The following SOAT1 variants were observed in gnomAD, a reference collection of about 807,000 sequenced individuals.
SOAT1 encodes acyl-coenzyme A:cholesterol acyltransferase 1.
Under a neutral mutation model 69.5 loss-of-function variants are expected in SOAT1, and 55 were observed. The ratio of observed to expected loss-of-function variants is 0.79; its 90% CI spans 0.64 to 0.99. The LOEUF is 0.99. SOAT1 is among the 50% of genes least tolerant of loss of function. The pLI is 0.00. For synonymous variants in SOAT1, 231 were observed against 224.7 expected (o/e 1.03, Z -0.25); for missense variants, 580 against 669.3 (o/e 0.87, Z 1.47).
chr1:179,320,701 A>G (rs1665566334), intron 2 of SOAT1, among the ~76,000 whole-genome samples: 2 of 152,120 alleles, frequency 1.3e-5, no homozygotes, highest in Non-Finnish European at 2.9e-5. Flanking sequence ...ATCAGATATT[A>G]TAAAGTTGAT....
chr1:179,310,464 A>G (rs1397769997), intron 2 of SOAT1, among the ~76,000 whole-genome samples: 2 of 151,974 alleles, frequency 1.3e-5, no homozygotes, highest in Non-Finnish European at 2.9e-5. Flanking sequence ...CTCAGATTCC[A>G]TTTTTCTGAA....
intron 5 of SOAT1, among the ~76,000 whole-genome samples, 177 bp from the exon 6 acceptor site, chr1:179,339,261 A>G (rs1027899715): frequency 2.0e-5 from 3 of 152,164 alleles, no homozygotes; most frequent in Non-Finnish European, 2.9e-5. Context: ...TTACTTAGAA[A>G]ACATCCATTT....
At position 179,341,022 on chromosome 1, in the gene SOAT1, C is replaced by A; in HGVS notation, c.498-6C>A. 6.2e-7 allele frequency: 1 copy of A among 1,612,886 alleles called. No homozygotes were observed. On this transcript the variant is annotated splice_polypyrimidine_tract_variant and splice_region_variant and intron_variant, in intron 6 of 15. Coordinates refer to ENST00000367619, the MANE Select transcript of SOAT1 (RefSeq NM_003101.6). ...TATGTTCTTTTTCTGTACCTTTTCT[C>A]CCCAGGCTGGTGCTTGAGTTCAGCC...
At position 179,348,790 on chromosome 1, in the gene SOAT1, GTGTGTGTGTGTGTGTGTGTGTGTGTA is replaced by G. The variant is rs1393365513; in HGVS notation, c.1216-53_1216-28del. On this transcript the variant is annotated intron_variant, in intron 12 of 15. Transcript: ENST00000367619. The stretch of plus-strand genomic sequence containing the variant: ...TGTGTGTGTGTGTGTGTGTGTGTGT[GTGTGTGTGTGTGTGTGTGTGTGTGTA>G]GTTTTATACCTTTACTTTTTCCCTC... The G allele has an allele frequency of 2.1e-5, 9 of 420,658 alleles. No individual in the cohort carries two copies. In the East Asian group the frequency reaches 3.8e-4, roughly 18 times the overall value. The allele number at this position is 420,658 out of a possible 1,614,324, so 26.1% of individuals were successfully genotyped here.
At position 179,345,063 on chromosome 1, in the gene SOAT1, C is replaced by T. The variant is rs752004277; in HGVS notation, c.1104C>T (p.Asn368=). The part of the protein sequence containing the change: ...SARVLVLCVF[N]SILPGVLILF... The stretch of plus-strand genomic sequence containing the variant: ...GTGTTCTGGTCCTATGTGTATTTAA[C>T]TCCATCTTGCCAGGTAACATGGGTA... The change falls in exon 11 of 16, where the codon AAC becomes AAT. Residue 368 remains asparagine (N), a synonymous_variant. Transcript: ENST00000367619. The T allele has an allele frequency of 6.2e-7, 1 of 1,613,898 alleles. No homozygotes were observed. The highest frequency in any genetic ancestry group is 1.7e-5 in the Admixed American group (1 of 59,978).
chr1:179,300,309 T>C (rs2247071), intron 1 of SOAT1, among the ~76,000 whole-genome samples: 118,281 of 152,046 alleles, frequency 0.78, 46,180 homozygotes, highest in East Asian at 0.97. Context: ...TTTCAGTTCT[T>C]ACTTCTCTCA....
rs565424121 is a variant in SOAT1, at chr1:179,335,510, T to G, written c.182T>G (p.Leu61Trp). The change falls in exon 4 of 16, where the codon TTG becomes TGG. Residue 61 changes from leucine (L) to tryptophan (W), a missense_variant. Transcript: ENST00000367619. Reference protein sequence around the residue: ...KIKLTAEAEELKPFFMKEVGS... With the variant: ...KIKLTAEAEEWKPFFMKEVGS... ...TTCTTTGTTTTAAAATTCTAGGAAT[T>G]GAAGCCATTTTTTATGAAGGAAGTT... The G allele has an allele frequency of 6.2e-7, 1 of 1,608,392 alleles. No individual in the cohort carries two copies. Among genetic ancestry groups the G allele is most frequent in the African/African-American group, 1.3e-5 (1 of 74,658 alleles).
intron 4 of SOAT1, among the ~76,000 whole-genome samples, chr1:179,336,329 C>T (rs767925032): frequency 6.6e-6 from 1 of 151,138 alleles, no homozygotes; most frequent in Non-Finnish European, 1.5e-5. Context: ...TGGACGTGGT[C>T]GTGCACGCCT....
chr1:179,352,950 G>A (rs1409853083), intron 15 of SOAT1, among the ~76,000 whole-genome samples: 1 of 151,154 alleles, frequency 6.6e-6, no homozygotes, highest in African/African-American at 2.4e-5. Context: ...CTTCCATGAT[G>A]ATTTTTCAAA....
At chr1:179,299,035 T>C (rs1664744574) in intron 1 of SOAT1, among the ~76,000 whole-genome samples, 2 of 152,118 alleles carry the variant, frequency 1.3e-5, no homozygotes, top group Non-Finnish European at 2.9e-5. Context: ...ATCCCTATCT[T>C]TGAGAACTTA....
Position 179,345,040 on chromosome 1 carries a change from G to A in SOAT1, c.1081G>A (p.Val361Ile), listed in dbSNP as rs759518574. The A allele has an allele frequency of 1.2e-5, 19 of 1,614,156 alleles. No individual in the cohort carries two copies. The highest frequency in any genetic ancestry group is 1.6e-5 in the Non-Finnish European group (19 of 1,180,010). The change falls in exon 11 of 16, where the codon GTT becomes ATT. Residue 361 changes from valine (V) to isoleucine (I), a missense_variant. Coordinates refer to ENST00000367619, the MANE Select transcript of SOAT1 (RefSeq NM_003101.6). ...CAAACAGGAGCCCTTCAGCGCTCGTGTTCTGGTCCTATGTGTATTTAACTC... is the reference window on the plus strand; with the variant it reads ...CAAACAGGAGCCCTTCAGCGCTCGTATTCTGGTCCTATGTGTATTTAACTC... ...NIKQEPFSAR[V>I]LVLCVFNSIL...
At chr1:179,353,493 A>G in intron 15 of SOAT1, 92 bp from the exon 16 acceptor site, 1 of 1,094,450 alleles carries the variant, frequency 9.1e-7, no homozygotes, top group East Asian at 2.4e-5. Flanking sequence ...TTAGAGATGT[A>G]CAATGTATCA....
chr1:179,333,038 T>G (rs1210055361), intron 3 of SOAT1, among the ~76,000 whole-genome samples: 1 of 152,210 alleles, frequency 6.6e-6, no homozygotes, highest in Non-Finnish European at 1.5e-5. Context: ...GGCATGTAAT[T>G]ATAATGCCAT....
chr1:179,340,100 CTT>C (rs1414426773), intron 6 of SOAT1, among the ~76,000 whole-genome samples: 1 of 152,116 alleles, frequency 6.6e-6, no homozygotes, highest in Admixed American at 6.6e-5. Context: ...CTGTATATGA[CTT>C]ATTAACTTTT....
rs369830870 is a variant in SOAT1 at position 179,312,570 on chromosome 1, A to T, written c.118+9768A>T. On this transcript the variant is annotated intron_variant, in intron 2 of 15. Coordinates refer to ENST00000367619, the MANE Select transcript of SOAT1 (RefSeq NM_003101.6). Reference sequence around the variant, plus strand: ...TTGCCTCTCCAGTCTTTTCTACGCTACTTTGTTTCCTGGGAGACTGACGTT... The same window carrying T: ...TTGCCTCTCCAGTCTTTTCTACGCTTCTTTGTTTCCTGGGAGACTGACGTT... Among the ~76,000 whole-genome samples the T allele has an allele frequency of 1.6e-4, 24 of 152,274 alleles. No individual in the cohort carries two copies. The East Asian group carries it at 2.7e-3, about 17-fold the overall frequency.
rs567512793 is a variant in SOAT1, at chr1:179,327,558, C to T, written c.177+4063C>T. On this transcript the variant is annotated intron_variant, in intron 3 of 15. Coordinates refer to ENST00000367619, the MANE Select transcript of SOAT1 (RefSeq NM_003101.6). ...TCAGGTAAAATACAGTACGTCCAGT[C>T]GAATTTGAATTTCTGATAAACAATG... Among the ~76,000 whole-genome samples the T allele has an allele frequency of 3.3e-5, 5 of 152,242 alleles. No homozygotes were observed. In the East Asian group the frequency reaches 7.7e-4, roughly 23 times the overall value.
At chr1:179,302,323 C>G (rs899061912) in intron 1 of SOAT1, among the ~76,000 whole-genome samples, 1 of 152,210 alleles carries the variant, frequency 6.6e-6, no homozygotes, top group South Asian at 2.1e-4. Flanking sequence ...TGTCCCCACA[C>G]AAATCTCATC....
intron 8 of SOAT1, 108 bp downstream of exon 8, chr1:179,342,300 C>T (rs1486606112): frequency 4.7e-6 from 3 of 640,130 alleles, no homozygotes; most frequent in Non-Finnish European, 8.0e-6. Context: ...TCCCTCCCTC[C>T]CTCTCTCTTT....
Position 179,342,725 on chromosome 1 carries a change from C to T in SOAT1, c.860-137C>T, listed in dbSNP as rs755965486. On this transcript the variant is annotated intron_variant, in intron 8 of 15. Coordinates refer to ENST00000367619, the MANE Select transcript of SOAT1 (RefSeq NM_003101.6). ...TTCGTGCAAGAATAAGAAGTCATTC[C>T]GGAGATCAGGAAAAAAGAACATGAG... 5.1e-5 allele frequency: 31 copies of T among 613,060 alleles called. 1 individual carries two copies. Among genetic ancestry groups the T allele is most frequent in the Middle Eastern group, 3.8e-4 (1 of 2,648 alleles). 38.0% of individuals were successfully genotyped at this position (613,060 alleles called of 1,614,324 possible). A position where few individuals can be genotyped will look rare whatever the true frequency, so the allele number is the denominator to read the frequency against.
Sources: gnomAD v4.1 joint callset for allele counts (sites outside exome capture counted in the v4.1 genomes callset) on GRCh38, gnomAD v4.1.1 for gene constraint, MANE v1.5 for transcripts, NCBI Gene and HGNC (gene_info 2026-07-23, HGNC 2026-07-21) for gene names.